The following EYA1 variants were observed in gnomAD, a reference collection of about 807,000 sequenced individuals.
EYA1 encodes the protein protein phosphatase EYA1.
In EYA1, 16 loss-of-function variants were observed where a neutral mutation model predicts 82.0. That is an observed-to-expected ratio of 0.20 (90% CI 0.13 to 0.30). EYA1 has a LOEUF of 0.30. Among genes scored for constraint, EYA1 ranks in the 10% least tolerant of loss-of-function variants. EYA1 has a pLI of 1.00. For synonymous variants in EYA1, 261 were observed against 264.4 expected (o/e 0.99, Z 0.12); for missense variants, 633 against 730.7 (o/e 0.87, Z 1.54).
intron 2 of EYA1, among the ~76,000 whole-genome samples, chr8:71,420,998 G>A (rs1831117605): frequency 1.3e-5 from 2 of 152,026 alleles, no homozygotes; most frequent in Admixed American, 1.3e-4. Context: ...TTCATGTGGT[G>A]GTCATGTCCA....
chr8:71,265,118 T>C (rs1815626794), intron 11 of EYA1, among the ~76,000 whole-genome samples: 1 of 152,178 alleles, frequency 6.6e-6, no homozygotes, highest in Non-Finnish European at 1.5e-5. Context: ...ACTGCCACCA[T>C]GTTACTCACT....
intron 11 of EYA1, among the ~76,000 whole-genome samples, chr8:71,264,014 T>G (rs1182919387): frequency 6.6e-6 from 1 of 152,214 alleles, no homozygotes; most frequent in East Asian, 1.9e-4. Flanking sequence ...AAGGCAGAAC[T>G]GTGTAGTTAT....
At chr8:71,358,710 G>C (rs1209796571) in intron 1 of EYA1, among the ~76,000 whole-genome samples, 1 of 152,096 alleles carries the variant, frequency 6.6e-6, no homozygotes, top group Non-Finnish European at 1.5e-5. Flanking sequence ...AGGAAACATA[G>C]TCTTATAATG....
intron 12 of EYA1, among the ~76,000 whole-genome samples, chr8:71,242,977 C>A (rs1246174462): frequency 1.3e-5 from 2 of 151,938 alleles, no homozygotes; most frequent in East Asian, 3.9e-4. Context: ...GGGGTTTCTC[C>A]ATGTTGGTCG....
chr8:71,354,326 T>G (rs1586516320), intron 3 of EYA1, among the ~76,000 whole-genome samples: 2 of 152,152 alleles, frequency 1.3e-5, no homozygotes, highest in African/African-American at 4.8e-5. Context: ...CACAAATTAT[T>G]TCATTGATAT....
intron 3 of EYA1, among the ~76,000 whole-genome samples, chr8:71,346,464 A>ATATATATATATATATATATC (rs1825755122): frequency 2.1e-5 from 3 of 144,622 alleles, no homozygotes; most frequent in African/African-American, 7.6e-5. Context: ...ATCTATATAT[A>ATATATATATATATATATATC]TCCTTCTCCC....
At chr8:71,448,761 A>G (rs1388639573) in intron 2 of EYA1, 1 of 157,388 alleles carries the variant, frequency 6.4e-6, no homozygotes, top group African/African-American at 2.4e-5. Context: ...TCCTGAGTAT[A>G]CTCTATTGAG....
chr8:71,218,516 AG>A (rs1809486758), intron 12 of EYA1, among the ~76,000 whole-genome samples: 1 of 152,158 alleles, frequency 6.6e-6, no homozygotes, highest in Non-Finnish European at 1.5e-5. Context: ...AGTTCCAAGG[AG>A]GAAAAGACTT....
At chr8:71,442,914 C>T (rs538321708) in intron 2 of EYA1, among the ~76,000 whole-genome samples, 2 of 152,066 alleles carry the variant, frequency 1.3e-5, no homozygotes, top group East Asian at 3.9e-4. Flanking sequence ...TTTTATTTTC[C>T]CATGATTTAC....
Position 71,420,423 on chromosome 8 carries a change from T to C in EYA1, c.34-63912A>G, listed in dbSNP as rs558528146. 1.3e-4 allele frequency among the ~76,000 whole-genome samples: 20 copies of C among 152,316 alleles called. No homozygotes were observed. The South Asian group carries it at 3.5e-3, about 27-fold the overall frequency. On this transcript the variant is annotated intron_variant, in intron 2 of 18. Coordinates refer to the EYA1 transcript ENST00000643681. The stretch of plus-strand genomic sequence containing the variant: ...AACATGGAAAAAAATTTCACAATTC[T>C]TTTAAAAGACAAAGTAACTACATCC...
chr8:71,306,580 C>A (rs978573994), intron 7 of EYA1, among the ~76,000 whole-genome samples: 6 of 152,214 alleles, frequency 3.9e-5, no homozygotes, highest in Non-Finnish European at 8.8e-5. Context: ...CCTACAGCTC[C>A]CCATGCACAG....
intron 1 of EYA1, among the ~76,000 whole-genome samples, chr8:71,357,746 T>C (rs1373982941): frequency 1.3e-5 from 2 of 152,238 alleles, no homozygotes; most frequent in Non-Finnish European, 2.9e-5. Flanking sequence ...CTTGGTATAA[T>C]GTTACGTAAA....
chr8:71,215,190 T>C (rs1809029163), intron 16 of EYA1, among the ~76,000 whole-genome samples, 197 bp downstream of exon 16: 1 of 152,196 alleles, frequency 6.6e-6, no homozygotes, highest in African/African-American at 2.4e-5. Flanking sequence ...AAGTAAAATT[T>C]TGTGACTTCA....
chr8:71,307,855 C>CT (rs1820897803), intron 7 of EYA1, among the ~76,000 whole-genome samples: 1 of 152,176 alleles, frequency 6.6e-6, no homozygotes, highest in Non-Finnish European at 1.5e-5. Flanking sequence ...TTCTGCCCTC[C>CT]TAAGAAGGCT....
chr8:71,262,036 C>G (rs1173933901), intron 11 of EYA1, among the ~76,000 whole-genome samples: 1 of 152,184 alleles, frequency 6.6e-6, no homozygotes, highest in East Asian at 1.9e-4. Flanking sequence ...TTCCCATGCC[C>G]ACAGAACGAA....
chr8:71,266,856 C>T (rs1308207122), intron 11 of EYA1, among the ~76,000 whole-genome samples: 2 of 152,118 alleles, frequency 1.3e-5, no homozygotes, highest in Admixed American at 6.6e-5. Context: ...AACAAATATA[C>T]GACTATTTTC....
At chr8:71,488,630 G>T (rs991804134) in intron 2 of EYA1, among the ~76,000 whole-genome samples, 1 of 152,140 alleles carries the variant, frequency 6.6e-6, no homozygotes, top group Admixed American at 6.6e-5. Context: ...ATTTTGATCT[G>T]GGTGTTACTT....
intron 2 of EYA1, among the ~76,000 whole-genome samples, chr8:71,493,986 G>A (rs1811215254): frequency 8.7e-6 from 1 of 114,856 alleles, no homozygotes; most frequent in Non-Finnish European, 1.6e-5. Flanking sequence ...TCCCGCCACT[G>A]CACTCCAGCC....
intron 2 of EYA1, among the ~76,000 whole-genome samples, chr8:71,483,050 C>T (rs138974062): frequency 2.5e-4 from 38 of 152,272 alleles, no homozygotes; most frequent in African/African-American, 8.4e-4. Context: ...CATGACAGAC[C>T]CCTGCTCAAG....
Sources: allele counts gnomAD v4.1 joint callset (sites outside exome capture counted in the v4.1 genomes callset), GRCh38; gene constraint gnomAD v4.1.1; transcripts MANE v1.5; gene names NCBI Gene and HGNC (gene_info 2026-07-23, HGNC 2026-07-21).